TSPAN8: variants seen among roughly 807,000 people sequenced by gnomAD.
The protein encoded by TSPAN8 is tetraspanin 8, also known as tetraspanin-8.
A neutral mutation model predicts 32.8 loss-of-function variants in TSPAN8; 21 were observed. The observed-to-expected ratio is 0.64, with a 90% CI of 0.45 to 0.92. TSPAN8 has a LOEUF of 0.92. Ranked by LOEUF, TSPAN8 falls within the 40% of genes least tolerant of loss-of-function variation. The pLI, the probability that TSPAN8 is intolerant of heterozygous loss-of-function variation, is 0.00. For synonymous variants in TSPAN8, 95 were observed against 94.6 expected, an observed-to-expected ratio of 1.00 and a Z score of -0.03; for missense variants, 269 against 281.9, an observed-to-expected ratio of 0.95 and a Z score of 0.33.
In TSPAN8 at chr12:71,144,152, G is replaced by T; in HGVS notation, c.122C>A (p.Ala41Glu). ...GGTGACTTGTTTTTGCATACTTACT[G>T]CTTGAGAGTCATTGCTTACTCGTAC... ...IWVRVSNDSQ[A>E]IFGSEDVGSS... Residue 41 changes from alanine to glutamate, a missense_variant and splice_region_variant, in exon 3 of 9, where the codon GCA becomes GAA. Physicochemically the swap from Ala to Glu is moderately radical, Grantham distance 107. Transcript: ENST00000247829. 2 of 1,611,216 alleles carry T rather than the reference G, an allele frequency of 1.2e-6. No individual in the cohort carries two copies. Among genetic ancestry groups the T allele is most frequent in the Non-Finnish European group, 1.7e-6 (2 of 1,178,718 alleles).
rs1336751804 is a variant in TSPAN8 at position 71,132,837 on chromosome 12, A to G, written c.445-13T>C. On this transcript the variant is annotated splice_polypyrimidine_tract_variant and intron_variant, in intron 6 of 8. Coordinates refer to ENST00000247829, the MANE Select transcript of TSPAN8 (RefSeq NM_004616.3). ...CGCAGCATTTAAACTGTTTGATAAA[A>G]GGTAGAATGAGAAGCAGTCAGTAAG... The G allele has an allele frequency of 6.2e-7, 1 of 1,613,494 alleles. No individual in the cohort carries two copies. The highest frequency in any genetic ancestry group is 1.3e-5 in the African/African-American group (1 of 75,034).
chr12:71,157,885 G>T, intron 1 of TSPAN8, 45 bp downstream of exon 1: 1 of 545,592 alleles, frequency 1.8e-6, no homozygotes, highest in Non-Finnish European at 3.3e-6. Flanking sequence ...TATCGCAAAG[G>T]CTATTAACCC....
intron 4 of TSPAN8, 56 bp from the exon 5 acceptor site, chr12:71,138,286 G>A (rs1461849083): frequency 4.6e-6 from 7 of 1,507,166 alleles, no homozygotes; most frequent in Non-Finnish European, 6.4e-6. Context: ...TAACATCTGG[G>A]GACATTCTGG....
At chr12:71,143,494 C>T (rs990349848) in intron 3 of TSPAN8, among the ~76,000 whole-genome samples, 4 of 152,044 alleles carry the variant, frequency 2.6e-5, no homozygotes, top group Admixed American at 6.6e-5. Context: ...GCACTGGGCA[C>T]GGAATGGTGT....
intron 2 of TSPAN8, 33 bp from the exon 3 acceptor site, chr12:71,144,246 C>T (rs774616320): frequency 6.3e-7 from 1 of 1,589,098 alleles, no homozygotes; most frequent in Admixed American, 1.7e-5. Flanking sequence ...AAAAAGAATA[C>T]AATTAGGATC....
rs533879833 is a variant in TSPAN8 at position 71,151,355 on chromosome 12, G to A, written c.60+6264C>T. 1.8e-4 allele frequency among the ~76,000 whole-genome samples: 27 copies of A among 152,278 alleles called. No individual in the cohort carries two copies. In the South Asian group the frequency reaches 3.3e-3, roughly 19 times the overall value. ...TGGGATTACAGGCATGAGCCACCGCGCCTGGTCTCATGTGCATCTTCTAAC... is the reference window on the plus strand; with the variant it reads ...TGGGATTACAGGCATGAGCCACCGCACCTGGTCTCATGTGCATCTTCTAAC... On this transcript the variant is annotated intron_variant, in intron 2 of 8. Coordinates refer to ENST00000247829, the MANE Select transcript of TSPAN8 (RefSeq NM_004616.3).
chr12:71,145,193 C>T (rs1332079584), intron 2 of TSPAN8, among the ~76,000 whole-genome samples: 1 of 152,018 alleles, frequency 6.6e-6, no homozygotes, highest in Admixed American at 6.6e-5. Flanking sequence ...AATGGCTTCT[C>T]ATTGAGTTTG....
rs1339055460 is a variant in TSPAN8, at chr12:71,132,769, T to A, written c.500A>T (p.His167Leu). 2.5e-6 allele frequency: 4 copies of A among 1,613,896 alleles called. No individual in the cohort carries two copies. The highest frequency in any genetic ancestry group is 3.4e-6 in the Non-Finnish European group (4 of 1,179,970). ...GAADWGNNFQ[H>L]YPELCACLDK... ...TAGACAGGCACATAATTCAGGATAG[T>A]GTTGAAAATTATTTCCCCAATCAGC... Residue 167 changes from histidine (H) to leucine (L), a missense_variant, in exon 7 of 9, where the codon CAC becomes CTC. Transcript: ENST00000247829.
At chr12:71,153,448 C>A (rs952844696) in intron 2 of TSPAN8, among the ~76,000 whole-genome samples, 1 of 152,140 alleles carries the variant, frequency 6.6e-6, no homozygotes, top group Non-Finnish European at 1.5e-5. Context: ...AGTTGTCCCC[C>A]AAAAGAACCT....
At chr12:71,128,673 A>G (rs1871421075) in intron 8 of TSPAN8, among the ~76,000 whole-genome samples, 1 of 151,648 alleles carries the variant, frequency 6.6e-6, no homozygotes, top group South Asian at 2.1e-4. Flanking sequence ...AAACATGCCA[A>G]GAAAGTTCAT....
chr12:71,154,555 T>A lies in TSPAN8; in HGVS notation c.60+3064A>T, dbSNP rs1206272260. Among the ~76,000 whole-genome samples the A allele has an allele frequency of 2.6e-5, 4 of 152,066 alleles. No homozygotes were observed. In the East Asian group the frequency reaches 7.7e-4, roughly 29 times the overall value. On this transcript the variant is annotated intron_variant, in intron 2 of 8. Coordinates refer to ENST00000247829, the MANE Select transcript of TSPAN8 (RefSeq NM_004616.3). ...TTTAATGAAACACTGACCTCTGATG[T>A]CTTCATAATAGCTATTAGCACTTTC... is the stretch of plus-strand genomic sequence containing the variant.
intron 8 of TSPAN8, among the ~76,000 whole-genome samples, chr12:71,127,090 G>C (rs1426122693): frequency 6.6e-6 from 1 of 152,066 alleles, no homozygotes; most frequent in African/African-American, 2.4e-5. Context: ...TTTCTGTGGA[G>C]ATAATCTGAA....
At chr12:71,140,839 C>T (rs1381982981) in intron 3 of TSPAN8, among the ~76,000 whole-genome samples, 1 of 152,194 alleles carries the variant, frequency 6.6e-6, no homozygotes, top group Non-Finnish European at 1.5e-5. Context: ...CCTCTATCTA[C>T]TGGGCTGTCT....
intron 2 of TSPAN8, among the ~76,000 whole-genome samples, chr12:71,145,376 G>A (rs774334726): frequency 3.3e-5 from 5 of 151,968 alleles, no homozygotes; most frequent in African/African-American, 4.8e-5. Context: ...ATGAAAACCC[G>A]GAGCAATTCC....
At chr12:71,157,541 A>G (rs1872484175) in intron 2 of TSPAN8, 78 bp downstream of exon 2, 2 of 983,182 alleles carry the variant, frequency 2.0e-6, no homozygotes, top group African/African-American at 1.6e-5. Flanking sequence ...TCTAGTGTAC[A>G]GTCTGTTCTT....
rs150513796 is a variant in TSPAN8 at position 71,136,978 on chromosome 12, G to C, written c.444+975C>G. ...CAGAGAAGTGGTGGAGGCTGAGAAA[G>C]AAAAAAAGAGAGGTGGATGTGGTTG... On this transcript the variant is annotated intron_variant, in intron 6 of 8. Transcript: ENST00000247829. Among the ~76,000 whole-genome samples, 974 of 152,124 alleles carry C rather than the reference G, an allele frequency of 6.4e-3. 13 individuals carry two copies. The highest frequency in any genetic ancestry group is 0.022 in the African/African-American group (906 of 41,514).
intron 6 of TSPAN8, among the ~76,000 whole-genome samples, chr12:71,135,367 A>C (rs925855226): frequency 1.1e-4 from 15 of 140,290 alleles, no homozygotes; most frequent in Non-Finnish European, 1.6e-4. Context: ...AAGAAGAAGA[A>C]GAAGGAGGAG....
intron 2 of TSPAN8, among the ~76,000 whole-genome samples, chr12:71,152,330 C>T (rs1463842510): frequency 2.6e-5 from 4 of 152,196 alleles, no homozygotes; most frequent in Admixed American, 2.6e-4. Context: ...TTCTTGCTAT[C>T]TTATTTCCTC....
intron 3 of TSPAN8, among the ~76,000 whole-genome samples, chr12:71,140,349 C>A (rs1405557366): frequency 6.6e-6 from 1 of 152,080 alleles, no homozygotes; most frequent in Admixed American, 6.5e-5. Flanking sequence ...AAAGTTCAAT[C>A]ATAAGCAAAA....
Sources: gnomAD v4.1 joint callset for allele counts (sites outside exome capture counted in the v4.1 genomes callset) on GRCh38, gnomAD v4.1.1 for gene constraint, MANE v1.5 for transcripts, NCBI Gene and HGNC (gene_info 2026-07-23, HGNC 2026-07-21) for gene names.